LRRC8A: variants seen among roughly 807,000 people sequenced by gnomAD.
LRRC8A encodes the protein leucine rich repeat containing 8 VRAC subunit A, also known as volume-regulated anion channel subunit LRRC8A.
In LRRC8A, 24 loss-of-function variants were observed where a neutral mutation model predicts 52.5. That is an observed-to-expected ratio of 0.46 (90% CI 0.33 to 0.64). LRRC8A has a LOEUF of 0.64. Ranked by LOEUF, LRRC8A falls within the 30% of genes least tolerant of loss-of-function variation. The pLI, the probability that LRRC8A is intolerant of heterozygous loss-of-function variation, is 0.02. For missense variants in LRRC8A, 677 were observed against 1,094.7 expected (o/e 0.62, Z 5.38); for synonymous variants, 492 against 494.2 (o/e 1.00, Z 0.06).
intron 2 of LRRC8A, among the ~76,000 whole-genome samples, chr9:128,893,077 C>T (rs1249414941): frequency 1.3e-5 from 2 of 152,138 alleles, no homozygotes; most frequent in Admixed American, 6.5e-5. Flanking sequence ...TCCCTGTCTT[C>T]GAGAAGCATC....
rs1194113105 is a variant in LRRC8A at position 128,907,471 on chromosome 9, C to T, written c.307C>T (p.Arg103Trp). Residue 103 changes from arginine (R) to tryptophan (W), a missense_variant, in exon 3 of 4, where the codon CGG (arginine) becomes TGG (tryptophan). Coordinates refer to ENST00000372600, the MANE Select transcript of LRRC8A (RefSeq NM_019594.4). The surrounding 1 kb of genome is among the most constrained non-coding windows in gnomAD (Gnocchi z 9.3). ...CACAGGCATCAAGTATGACCTGGAC[C>T]GGCACCAGTACAACTACGTGGACGC... ...GPTGIKYDLD[R>W]HQYNYVDAVC... 8 of 1,613,846 alleles carry T rather than the reference C, an allele frequency of 5.0e-6. No individual in the cohort carries two copies. Among genetic ancestry groups the T allele is most frequent in the Admixed American group, 3.3e-5 (2 of 59,996 alleles).
chr9:128,912,914 T>A (rs902839717), intron 3 of LRRC8A: 1 of 152,252 alleles, frequency 6.6e-6, no homozygotes, highest in Admixed American at 6.6e-5. Context: ...GACTTGAGCT[T>A]TTTTTTGTGG....
intron 1 of LRRC8A, chr9:128,882,495 C>T: frequency 5.1e-6 from 2 of 388,694 alleles, no homozygotes; most frequent in Non-Finnish European, 9.1e-6. Context: ...CACCCCTGTG[C>T]CTCCTTGTGC....
intron 2 of LRRC8A, among the ~76,000 whole-genome samples, chr9:128,896,925 T>C (rs1275163641): frequency 6.6e-6 from 1 of 152,100 alleles, no homozygotes; most frequent in Non-Finnish European, 1.5e-5. Flanking sequence ...GGTTTCAGCA[T>C]GTTGGCCAGG....
rs541024052 is a variant in LRRC8A at position 128,909,138 on chromosome 9, C to G, written c.1974C>G (p.Ile658Met). Residue 658 changes from isoleucine (I) to methionine (M), a missense_variant, in exon 3 of 4, where the codon ATC becomes ATG. Physicochemically the swap from Ile to Met is conservative, Grantham distance 10. Around this residue, in one of 4 missense-constraint regions of LRRC8A, gnomAD observed 169 missense variants for 217.6 expected, o/e 0.78. Transcript: ENST00000372600. ...ACATCGCCTACATCCCCATCCAGAT[C>G]GGCAACCTCACCAACCTGGAGCGCC... ...YNHIAYIPIQ[I>M]GNLTNLERLY... 9.3e-6 allele frequency: 15 copies of G among 1,614,134 alleles called. No homozygotes were observed. Among genetic ancestry groups the G allele is most frequent in the Non-Finnish European group, 8.5e-7 (1 of 1,180,044 alleles).
intron 3 of LRRC8A, among the ~76,000 whole-genome samples, chr9:128,912,504 T>G (rs868628547): frequency 1.2e-3 from 125 of 105,666 alleles, no homozygotes; most frequent in East Asian, 2.9e-3. Context: ...GGTGGGGCTA[T>G]GGGGGGGGGT....
intron 2 of LRRC8A, among the ~76,000 whole-genome samples, chr9:128,890,481 C>T (rs541881218): frequency 3.3e-5 from 5 of 152,324 alleles, no homozygotes; most frequent in East Asian, 3.9e-4. Context: ...GCCAAACCTG[C>T]GCCCTCTGAC....
chr9:128,906,327 T>TA, intron 2 of LRRC8A, among the ~76,000 whole-genome samples: 1 of 145,122 alleles, frequency 6.9e-6, no homozygotes, highest in Non-Finnish European at 1.5e-5. Context: ...TTTTTTTTTT[T>TA]TTTTTTTTTT....
rs74738711 is a variant in LRRC8A, at chr9:128,900,821, C to T, written c.-8-6336C>T. Among the ~76,000 whole-genome samples the T allele has an allele frequency of 5.9e-5, 9 of 152,216 alleles. No individual in the cohort carries two copies. In the East Asian group the frequency reaches 1.5e-3, roughly 26 times the overall value. Reference sequence around the variant, plus strand: ...GGTGGGAGGATCACTCAAGTTCAGGCGTTTGAGGCCAAATGGGCAACATAG... The same window carrying T: ...GGTGGGAGGATCACTCAAGTTCAGGTGTTTGAGGCCAAATGGGCAACATAG... On this transcript the variant is annotated intron_variant, in intron 2 of 3. Transcript: ENST00000372600.
chr9:128,909,465 C>A, intron 3 of LRRC8A, 144 bp downstream of exon 3: 1 of 783,334 alleles, frequency 1.3e-6, no homozygotes, highest in Non-Finnish European at 2.0e-6. Context: ...CAGAACCATC[C>A]AGGATAGAAG....
rs1840352191 is a variant in LRRC8A at position 128,908,517 on chromosome 9, C to T, written c.1353C>T (p.Leu451=). The change falls in exon 3 of 4, where the codon CTC becomes CTT. Residue 451 remains leucine, a synonymous_variant. Coordinates refer to ENST00000372600, the MANE Select transcript of LRRC8A (RefSeq NM_019594.4). ...TTGACCTGGTGGAGCTGGAGGTCCT[C>T]AAGCTGGAGCTGATCCCCGACGTGA... The part of the protein sequence containing the change: ...TVFDLVELEV[L]KLELIPDVTI... 1.2e-6 allele frequency: 2 copies of T among 1,612,908 alleles called. No individual in the cohort carries two copies. Among genetic ancestry groups the T allele is most frequent in the South Asian group, 2.2e-5 (2 of 91,062 alleles).
chr9:128,900,309 G>A (rs1441948524), intron 2 of LRRC8A, among the ~76,000 whole-genome samples: 2 of 152,162 alleles, frequency 1.3e-5, no homozygotes, highest in Non-Finnish European at 2.9e-5. Flanking sequence ...CCTAACAATT[G>A]ACTCTTGTCC....
rs969783620 is a variant in LRRC8A at position 128,892,888 on chromosome 9, C to G, written c.-9+6767C>G. On this transcript the variant is annotated intron_variant, in intron 2 of 3. Transcript: ENST00000372600. The surrounding 1 kb of genome is among the most constrained non-coding windows in gnomAD (Gnocchi z 5.2). ...CTCCCCTCCTGCTTGGGAAGTTTTC[C>G]TGGCTCAGCCTTGTTTGTGCTTTCA... 6.6e-6 allele frequency among the ~76,000 whole-genome samples: 1 copy of G among 152,178 alleles called. No homozygotes were observed. Among genetic ancestry groups the G allele is most frequent in the Non-Finnish European group, 1.5e-5 (1 of 68,032 alleles).
Position 128,907,623 on chromosome 9 carries a change from G to A in LRRC8A, c.459G>A (p.Leu153=). ...WFKFPRTSSK[L]EHFVSILLKC... is the part of the protein sequence containing the mutation. ...AATTCCCGCGCACCAGCTCGAAGCTGGAGCACTTTGTGTCTATCCTGCTGA... is the reference window on the plus strand; with the variant it reads ...AATTCCCGCGCACCAGCTCGAAGCTAGAGCACTTTGTGTCTATCCTGCTGA... The change falls in exon 3 of 4, where the codon CTG becomes CTA. Residue 153 remains leucine, a synonymous_variant. Transcript: ENST00000372600. This position sits in a 1 kb window ranked among gnomAD's most constrained non-coding sequence, Gnocchi z 9.3. 6.2e-7 allele frequency: 1 copy of A among 1,614,134 alleles called. No individual in the cohort carries two copies. Among genetic ancestry groups the A allele is most frequent in the South Asian group, 1.1e-5 (1 of 91,086 alleles).
chr9:128,915,527 G>T (rs536805673), intron 3 of LRRC8A, among the ~76,000 whole-genome samples: 1 of 152,208 alleles, frequency 6.6e-6, no homozygotes, highest in Non-Finnish European at 1.5e-5. Flanking sequence ...GGGTTTCACC[G>T]TGTTAGCCAG....
chr9:128,896,256 A>C (rs1329542798), intron 2 of LRRC8A, among the ~76,000 whole-genome samples: 2 of 152,244 alleles, frequency 1.3e-5, no homozygotes, highest in Non-Finnish European at 2.9e-5. Flanking sequence ...GCTACAGTTC[A>C]TTAACTTTAA....
At position 128,911,937 on chromosome 9, in the gene LRRC8A, C is replaced by T. The variant is rs1840554194; in HGVS notation, c.2157+2616C>T. 6.6e-6 allele frequency among the ~76,000 whole-genome samples: 1 copy of T among 152,252 alleles called. No individual in the cohort carries two copies. The highest frequency in any genetic ancestry group is 6.5e-5 in the Admixed American group (1 of 15,288). On this transcript the variant is annotated intron_variant, in intron 3 of 3. Transcript: ENST00000372600. This position sits in a 1 kb window ranked among gnomAD's most constrained non-coding sequence, Gnocchi z 4.9. Reference sequence around the variant, plus strand: ...GGGCTTGATGGCTCCTTCTCAGCCACCTTGGCCAGTGGTGACCAGGAGGGG... The same window carrying T: ...GGGCTTGATGGCTCCTTCTCAGCCATCTTGGCCAGTGGTGACCAGGAGGGG...
At chr9:128,909,423 C>T in intron 3 of LRRC8A, 102 bp downstream of exon 3, 15 of 1,164,408 alleles carry the variant, frequency 1.3e-5, no homozygotes, top group Non-Finnish European at 1.9e-5. Flanking sequence ...ACCGTCGATG[C>T]CCCTGAGTGT....
chr9:128,905,842 CA>C (rs987050589), intron 2 of LRRC8A, among the ~76,000 whole-genome samples: 5 of 146,144 alleles, frequency 3.4e-5, no homozygotes, highest in South Asian at 2.2e-4. Context: ...GACTCCGTCT[CA>C]AAAAAAAAAG....
Sources: gnomAD v4.1 joint callset for allele counts (sites outside exome capture counted in the v4.1 genomes callset) on GRCh38, gnomAD v4.1.1 for gene constraint, gnomAD v4.1.1 regional missense constraint, Gnocchi (gnomAD v3.1) non-coding constraint, MANE v1.5 for transcripts, NCBI Gene and HGNC (gene_info 2026-07-23, HGNC 2026-07-21) for gene names.